WDR20: variants seen among roughly 807,000 people sequenced by gnomAD.
WDR20 encodes the protein WD repeat domain 20.
WDR20 carries 3 observed loss-of-function variants against 38.7 expected under a neutral mutation model. The observed-to-expected ratio is 0.08, with a 90% CI of 0.04 to 0.20. WDR20 has a LOEUF of 0.20. Among genes scored for constraint, WDR20 ranks in the 10% least tolerant of loss-of-function variants. The pLI is 1.00. For missense variants in WDR20, 559 were observed against 727.7 expected (o/e 0.77, Z 2.67); for synonymous variants, 298 against 285.6 (o/e 1.04, Z -0.44).
chr14:102,224,184 GGCGCCCGCCACC>G (rs2064155378), downstream of WDR20, among the ~76,000 whole-genome samples: 1 of 151,950 alleles, frequency 6.6e-6, no homozygotes, highest in African/African-American at 2.4e-5. Context: ...TGGGACTACA[GGCGCCCGCCACC>G]ACGCCCGGCT....
Position 102,222,900 on chromosome 14 carries a change from C to A in WDR20, c.*17C>A. ...GTAGTGTAGCGACCTCACTGCTGCG[C>A]GCACAGTCTCCCGGGACTTGGACTC... is the stretch of plus-strand genomic sequence containing the variant. On this transcript the variant is annotated 3_prime_UTR_variant, in exon 4 of 4. Coordinates refer to the WDR20 transcript ENST00000335263. The surrounding 1 kb of genome is among the most constrained non-coding windows in gnomAD (Gnocchi z 4.4). The A allele has an allele frequency of 6.2e-7, 1 of 1,614,056 alleles. No individual in the cohort carries two copies. The highest frequency in any genetic ancestry group is 8.5e-7 in the Non-Finnish European group (1 of 1,179,952).
intron 1 of WDR20, among the ~76,000 whole-genome samples, chr14:102,187,453 A>T (rs2065133022): frequency 1.3e-5 from 2 of 151,798 alleles, no homozygotes; most frequent in South Asian, 4.2e-4. Flanking sequence ...TTTTGTGAAT[A>T]TGAGGATAGG....
chr14:102,154,894 T>A (rs1463883034), intron 1 of WDR20, among the ~76,000 whole-genome samples: 1 of 152,198 alleles, frequency 6.6e-6, no homozygotes, highest in African/African-American at 2.4e-5. Context: ...GTTCCTACTT[T>A]ATGGAAGAAG....
intron 1 of WDR20, among the ~76,000 whole-genome samples, chr14:102,159,586 C>T (rs928354675): frequency 6.6e-6 from 1 of 152,190 alleles, no homozygotes; most frequent in African/African-American, 2.4e-5. Flanking sequence ...GTAATCCCAA[C>T]ACTTTGGGAG....
rs1009642083 is a variant in WDR20, at chr14:102,207,514, C to T, written c.433-1089C>T. ...GGGACTCCCCACCTGTTAGGTGAAGCGGTGGTGTTCAACTTACCTGGGGCT... is the reference window on the plus strand; with the variant it reads ...GGGACTCCCCACCTGTTAGGTGAAGTGGTGGTGTTCAACTTACCTGGGGCT... On this transcript the variant is annotated intron_variant, in intron 2 of 2. Transcript: ENST00000342702. This position sits in a 1 kb window ranked among gnomAD's most constrained non-coding sequence, Gnocchi z 5.0. Among the ~76,000 whole-genome samples the T allele has an allele frequency of 1.3e-5, 2 of 152,200 alleles. No homozygotes were observed. The highest frequency in any genetic ancestry group is 4.8e-5 in the African/African-American group (2 of 41,454).
intron 2 of WDR20, among the ~76,000 whole-genome samples, chr14:102,198,656 C>T (rs926132714): frequency 2.0e-5 from 3 of 152,322 alleles, no homozygotes; most frequent in Non-Finnish European, 2.9e-5. Flanking sequence ...ACATCACCTA[C>T]GGCCTGATCC....
At position 102,222,066 on chromosome 14, in the gene WDR20, T is replaced by TAA. The variant is rs898772373; in HGVS notation, c.1693-761_1693-760dup. ...TTTACCCAAGGTCACACCAGTATTG[T>TAA]AAAATCTGGGTGAGATTCCCCGCCC... is the stretch of plus-strand genomic sequence containing the variant. On this transcript the variant is annotated intron_variant, in intron 3 of 3. Coordinates refer to the WDR20 transcript ENST00000335263. The surrounding 1 kb of genome is among the most constrained non-coding windows in gnomAD (Gnocchi z 4.4). Among the ~76,000 whole-genome samples, 2 of 152,256 alleles carry TAA rather than the reference T, an allele frequency of 1.3e-5. No individual in the cohort carries two copies. The highest frequency in any genetic ancestry group is 4.8e-5 in the African/African-American group (2 of 41,546).
At chr14:102,182,561 T>G (rs1177158401) in intron 1 of WDR20, among the ~76,000 whole-genome samples, 2 of 152,152 alleles carry the variant, frequency 1.3e-5, no homozygotes, top group East Asian at 3.8e-4. Context: ...TACAGTAAGC[T>G]TCCTTTTATT....
At position 102,220,055 on chromosome 14, in the gene WDR20, C is replaced by T. The variant is rs968523234; in HGVS notation, c.1693-2775C>T. ...GGGAGAATAGGAAGCCTGCAGCCCT[C>T]GCGTTGGGTCGCTTTCTAGGGGTGC... On this transcript the variant is annotated intron_variant, in intron 3 of 3. Coordinates refer to the WDR20 transcript ENST00000335263. This position sits in a 1 kb window ranked among gnomAD's most constrained non-coding sequence, Gnocchi z 4.2. Among the ~76,000 whole-genome samples the T allele has an allele frequency of 3.3e-5, 5 of 152,246 alleles. No individual in the cohort carries two copies. In the East Asian group the frequency reaches 7.7e-4, roughly 23 times the overall value.
intron 1 of WDR20, among the ~76,000 whole-genome samples, chr14:102,188,584 C>G (rs977206634): frequency 1.3e-5 from 2 of 152,052 alleles, no homozygotes; most frequent in Non-Finnish European, 2.9e-5. Flanking sequence ...GAAAAAAATT[C>G]CAGCCAGGCA....
chr14:102,155,738 T>C (rs2152744239), intron 1 of WDR20, among the ~76,000 whole-genome samples: 1 of 152,214 alleles, frequency 6.6e-6, no homozygotes, highest in Middle Eastern at 3.4e-3. Flanking sequence ...ATCACAATAA[T>C]AATGGGACCT....
chr14:102,161,800 A>G (rs2058816207), intron 1 of WDR20, among the ~76,000 whole-genome samples: 1 of 152,158 alleles, frequency 6.6e-6, no homozygotes, highest in African/African-American at 2.4e-5. Flanking sequence ...ACCGTACCAC[A>G]TAGACCAAAA....
chr14:102,201,255 G>C (rs756730449), intron 2 of WDR20, among the ~76,000 whole-genome samples: 1 of 152,054 alleles, frequency 6.6e-6, no homozygotes, highest in African/African-American at 2.4e-5. Context: ...AGCAGCTGCT[G>C]TGGTTTTTGA....
Position 102,181,421 on chromosome 14 carries a change from G to T in WDR20, c.250-13517G>T, listed in dbSNP as rs78194588. On this transcript the variant is annotated intron_variant, in intron 1 of 2. Coordinates refer to ENST00000342702, the MANE Select transcript of WDR20 (RefSeq NM_144574.4). Reference sequence around the variant, plus strand: ...AGTTGAGCTGCTGTGTTAATTGGTTGTATGATTTTAGGCAGTTAACTTCTT... The same window carrying T: ...AGTTGAGCTGCTGTGTTAATTGGTTTTATGATTTTAGGCAGTTAACTTCTT... 4.5e-3 allele frequency among the ~76,000 whole-genome samples: 691 copies of T among 152,060 alleles called. 8 individuals are homozygous for T. The highest frequency in any genetic ancestry group is 0.015 in the African/African-American group (640 of 41,434).
intron 1 of WDR20, among the ~76,000 whole-genome samples, chr14:102,153,300 C>A (rs1284911163): frequency 1.5e-5 from 2 of 135,736 alleles, no homozygotes; most frequent in Admixed American, 9.3e-5. Context: ...GCCAGTGAAA[C>A]CTCTTTCTTT....
At chr14:102,160,664 C>T (rs757197681) in intron 1 of WDR20, among the ~76,000 whole-genome samples, 5 of 151,836 alleles carry the variant, frequency 3.3e-5, no homozygotes, top group Non-Finnish European at 5.9e-5. Flanking sequence ...GAATAATGGC[C>T]GGGCGCGGTG....
intron 1 of WDR20, among the ~76,000 whole-genome samples, chr14:102,175,399 G>C (rs112160786): frequency 2.0e-5 from 3 of 152,072 alleles, no homozygotes; most frequent in African/African-American, 7.2e-5. Context: ...GTTATGTTCC[G>C]TTGGTCTGTG....
chr14:102,199,967 A>T (rs950945444), intron 2 of WDR20, among the ~76,000 whole-genome samples: 1 of 152,218 alleles, frequency 6.6e-6, no homozygotes, highest in Non-Finnish European at 1.5e-5. Flanking sequence ...CAATGAGGGG[A>T]CACCATAGGG....
At chr14:102,199,101 C>CT (rs1191119436) in intron 2 of WDR20, among the ~76,000 whole-genome samples, 2 of 152,084 alleles carry the variant, frequency 1.3e-5, no homozygotes, top group Non-Finnish European at 2.9e-5. Flanking sequence ...TCAGCTACTG[C>CT]TTTCAAAGGG....
Sources: allele counts gnomAD v4.1 joint callset (sites outside exome capture counted in the v4.1 genomes callset), GRCh38; gene constraint gnomAD v4.1.1; non-coding constraint Gnocchi (gnomAD v3.1); transcripts MANE v1.5; gene names NCBI Gene and HGNC (gene_info 2026-07-23, HGNC 2026-07-21).